The following CACNA2D1 variants were observed in gnomAD, a reference collection of about 807,000 sequenced individuals.
The protein encoded by CACNA2D1 is voltage-dependent calcium channel subunit alpha-2/delta-1.
Under a neutral mutation model 171.5 loss-of-function variants are expected in CACNA2D1, and 53 were observed. The observed-to-expected ratio is 0.31, with a 90% CI of 0.25 to 0.39. The LOEUF (loss-of-function observed/expected upper bound fraction) is 0.39. Ranked by LOEUF, CACNA2D1 falls within the 10% of genes least tolerant of loss-of-function variation. The pLI is 1.00. For synonymous variants in CACNA2D1, 442 were observed against 443.1 expected, an observed-to-expected ratio of 1.00 and a Z score of 0.03; for missense variants, 903 against 1,299.8, an observed-to-expected ratio of 0.69 and a Z score of 4.69.
intron 4 of CACNA2D1, among the ~76,000 whole-genome samples, chr7:82,153,920 T>C (rs779450251): frequency 1.3e-5 from 2 of 151,650 alleles, no homozygotes; most frequent in Admixed American, 6.6e-5. Flanking sequence ...GAAAAACACT[T>C]AGGAGGAAGA....
intron 38 of CACNA2D1, among the ~76,000 whole-genome samples, chr7:81,951,930 G>A (rs1436691457): frequency 1.5e-5 from 2 of 132,914 alleles, no homozygotes; most frequent in Non-Finnish European, 3.1e-5. Context: ...TTCCATAGTG[G>A]TTGTATTAGC....
chr7:82,406,811 T>C (rs1827104675), intron 1 of CACNA2D1, among the ~76,000 whole-genome samples: 1 of 152,200 alleles, frequency 6.6e-6, no homozygotes, highest in Admixed American at 6.5e-5. Flanking sequence ...GGACAAGTCT[T>C]TATCTGTTTC....
In CACNA2D1 at chr7:82,074,582, T is replaced by C. The variant is rs910628113; in HGVS notation, c.659-8058A>G. On this transcript the variant is annotated intron_variant, in intron 7 of 38. Coordinates refer to ENST00000356860, the MANE Select transcript of CACNA2D1 (RefSeq NM_000722.4). The stretch of plus-strand genomic sequence containing the variant: ...GCACTTTGTTTGCATTATATTTTAA[T>C]GTGTTTACAAGTTTTCCTTTTCATC... Among the ~76,000 whole-genome samples the C allele has an allele frequency of 2.6e-5, 4 of 152,304 alleles. No homozygotes were observed. The East Asian group carries it at 7.7e-4, about 29-fold the overall frequency.
At chr7:82,000,154 G>T (rs1160847322) in intron 18 of CACNA2D1, among the ~76,000 whole-genome samples, 3 of 152,104 alleles carry the variant, frequency 2.0e-5, no homozygotes, top group African/African-American at 7.2e-5. Flanking sequence ...AGCTACTCGG[G>T]AGGCTGAGGC....
intron 1 of CACNA2D1, among the ~76,000 whole-genome samples, chr7:82,401,185 A>T (rs970436019): frequency 2.6e-5 from 4 of 152,222 alleles, no homozygotes; most frequent in African/African-American, 9.7e-5. Flanking sequence ...ATACCATTTG[A>T]CGAAGCCATC....
intron 3 of CACNA2D1, among the ~76,000 whole-genome samples, chr7:82,204,089 C>T (rs1297977937): frequency 1.3e-5 from 2 of 152,210 alleles, no homozygotes; most frequent in African/African-American, 4.8e-5. Flanking sequence ...CCTCCATTCC[C>T]TATGGGGCAT....
At chr7:81,994,983 G>C (rs1191174413) in intron 19 of CACNA2D1, 44 bp from the exon 20 acceptor site, 1 of 948,220 alleles carries the variant, frequency 1.1e-6, no homozygotes, top group Admixed American at 1.7e-5. Flanking sequence ...AAACAAAGCT[G>C]ACCTGCCAAA....
At chr7:82,281,218 T>A (rs1022452436) in intron 3 of CACNA2D1, among the ~76,000 whole-genome samples, 7 of 152,202 alleles carry the variant, frequency 4.6e-5, no homozygotes, top group Admixed American at 2.0e-4. Context: ...TGAAGAGACT[T>A]GAGCTTTGCA....
chr7:82,283,025 A>G (rs1208203680), intron 3 of CACNA2D1, among the ~76,000 whole-genome samples: 1 of 152,180 alleles, frequency 6.6e-6, no homozygotes, highest in Non-Finnish European at 1.5e-5. Flanking sequence ...ACCTTCATTT[A>G]AACATCTGAA....
At chr7:82,392,245 C>G (rs1252093915) in intron 1 of CACNA2D1, among the ~76,000 whole-genome samples, 4 of 152,116 alleles carry the variant, frequency 2.6e-5, no homozygotes, top group African/African-American at 9.7e-5. Flanking sequence ...ACTCACAAAC[C>G]AATCAGCACG....
intron 3 of CACNA2D1, among the ~76,000 whole-genome samples, chr7:82,276,148 T>C (rs1440438753): frequency 2.6e-5 from 4 of 152,224 alleles, no homozygotes; most frequent in Non-Finnish European, 5.9e-5. Flanking sequence ...AAGTATTTAA[T>C]TGCAATTAGA....
chr7:82,308,425 T>C (rs1442048551), intron 3 of CACNA2D1, among the ~76,000 whole-genome samples: 2 of 152,186 alleles, frequency 1.3e-5, no homozygotes, highest in Non-Finnish European at 2.9e-5. Flanking sequence ...ATCTTCCTCA[T>C]AGAGCCCCAA....
chr7:82,089,980 G>C (rs552029378), intron 6 of CACNA2D1, among the ~76,000 whole-genome samples: 15 of 152,196 alleles, frequency 9.9e-5, no homozygotes, highest in Admixed American at 2.6e-4. Flanking sequence ...TACAGCTTTT[G>C]TAACAGCTTT....
chr7:81,996,524 G>T (rs1290161430), intron 19 of CACNA2D1, among the ~76,000 whole-genome samples: 1 of 151,774 alleles, frequency 6.6e-6, no homozygotes, highest in African/African-American at 2.4e-5. Flanking sequence ...GAACTGTAGA[G>T]AAACTATTTG....
rs140231793 is a variant in CACNA2D1 at position 82,120,548 on chromosome 7, C to T, written c.397-3375G>A. ...CAGGCATCAAGTCTGAATATTCTGGCATACTGGGATACTGGATCAACACTA... is the reference window on the plus strand; with the variant it reads ...CAGGCATCAAGTCTGAATATTCTGGTATACTGGGATACTGGATCAACACTA... On this transcript the variant is annotated intron_variant, in intron 5 of 38. Transcript: ENST00000356860. Among the ~76,000 whole-genome samples, 504 of 152,052 alleles carry T rather than the reference C, an allele frequency of 3.3e-3. 6 individuals are homozygous for T. Among genetic ancestry groups the T allele is most frequent in the South Asian group, 0.028 (137 of 4,818 alleles).
rs4019047 is a variant in CACNA2D1 at position 82,012,254 on chromosome 7, GA to G, written c.1273-12del. 0.1 allele frequency: 114,648 copies of G among 1,112,258 alleles called. 1 individual carries two copies. The highest frequency in any genetic ancestry group is 0.12 in the South Asian group (8,309 of 66,598). 68.9% of individuals were successfully genotyped at this position (1,112,258 alleles called of 1,614,324 possible). A position where few individuals can be genotyped will look rare whatever the true frequency, so the allele number is the denominator to read the frequency against. ...AACATCCAAATATTCCTGTTTATGG[GA>G]AAAAAAAAAAAAGTCGTGGTTAAAA... On this transcript the variant is annotated splice_polypyrimidine_tract_variant and intron_variant, in intron 14 of 38. Transcript: ENST00000356860.
At chr7:82,247,107 T>G (rs1035340656) in intron 3 of CACNA2D1, among the ~76,000 whole-genome samples, 1 of 152,162 alleles carries the variant, frequency 6.6e-6, no homozygotes, top group Admixed American at 6.5e-5. Flanking sequence ...AAATTTTGAT[T>G]ATGAAGTGGG....
intron 25 of CACNA2D1, among the ~76,000 whole-genome samples, chr7:81,974,110 C>T (rs1478561535): frequency 1.3e-5 from 2 of 151,776 alleles, no homozygotes; most frequent in Non-Finnish European, 2.9e-5. Flanking sequence ...TAAAAATGTA[C>T]GTTTTCCTCT....
At chr7:82,148,355 C>G (rs1306291562) in intron 4 of CACNA2D1, among the ~76,000 whole-genome samples, 1 of 151,182 alleles carries the variant, frequency 6.6e-6, no homozygotes, top group African/African-American at 2.4e-5. Flanking sequence ...GGATGTTCCT[C>G]CCTATTAGAA....
Sources: allele counts gnomAD v4.1 joint callset (sites outside exome capture counted in the v4.1 genomes callset), GRCh38; gene constraint gnomAD v4.1.1; transcripts MANE v1.5; gene names NCBI Gene and HGNC (gene_info 2026-07-23, HGNC 2026-07-21).